CPSF6: variants seen among roughly 807,000 people sequenced by gnomAD.
CPSF6 encodes the protein cleavage and polyadenylation specific factor 6, also known as cleavage and polyadenylation specificity factor subunit 6.
Under a neutral mutation model 56.7 loss-of-function variants are expected in CPSF6, and 10 were observed. The ratio of observed to expected loss-of-function variants is 0.18; its 90% confidence interval spans 0.11 to 0.30. The LOEUF is 0.30. Among genes scored for constraint, CPSF6 ranks in the 10% least tolerant of loss-of-function variants. The pLI, the probability that CPSF6 is intolerant of heterozygous loss-of-function variation, is 1.00. For synonymous variants in CPSF6, 248 were observed against 244.8 expected (o/e 1.01, Z -0.12); for missense variants, 419 against 722.9 (o/e 0.58, Z 4.82).
intron 2 of CPSF6, among the ~76,000 whole-genome samples, chr12:69,252,531 TAA>T (rs1271311605): frequency 1.3e-5 from 2 of 152,180 alleles, no homozygotes; most frequent in Non-Finnish European, 2.9e-5. Context: ...GTGACCTTGT[TAA>T]AGAGTTAAAG....
intron 1 of CPSF6, among the ~76,000 whole-genome samples, chr12:69,241,046 G>A (rs1871591440): frequency 6.6e-6 from 1 of 152,124 alleles, no homozygotes; most frequent in African/African-American, 2.4e-5. Flanking sequence ...TAGTTGCTCA[G>A]GCTTTTTAAA....
chr12:69,260,335 C>A lies in CPSF6; in HGVS notation c.1469+138C>A, dbSNP rs190897211. Reference sequence around the variant, plus strand: ...GCTGGAGTGGTTTTTTTTTTTAACTCTAAATGTTAGTTGCTTGCTTAAAAC... The same window carrying A: ...GCTGGAGTGGTTTTTTTTTTTAACTATAAATGTTAGTTGCTTGCTTAAAAC... On this transcript the variant is annotated intron_variant, in intron 8 of 9. Transcript: ENST00000435070. 34 of 614,370 alleles carry A rather than the reference C, an allele frequency of 5.5e-5. No homozygotes were observed. The African/African-American group carries it at 6.0e-4, about 11-fold the overall frequency. 38.1% of individuals were successfully genotyped at this position (614,370 alleles called of 1,614,324 possible).
In CPSF6 at chr12:69,252,578, G is replaced by T. The variant is rs530122624; in HGVS notation, c.271-473G>T. Among the ~76,000 whole-genome samples, 30 of 152,198 alleles carry T rather than the reference G, an allele frequency of 2.0e-4. No homozygotes were observed. In the South Asian group the frequency reaches 6.0e-3, roughly 30 times the overall value. On this transcript the variant is annotated intron_variant, in intron 2 of 9. Coordinates refer to ENST00000435070, the MANE Select transcript of CPSF6 (RefSeq NM_007007.3). The stretch of plus-strand genomic sequence containing the variant: ...TTCTATTGTATCATGTGTAAAATGG[G>T]TATAATAATAGTGCTTATATGGTTG...
rs1187763504 is a variant in CPSF6, at chr12:69,271,909, T to G, written c.*2401T>G. The G allele has an allele frequency of 6.6e-6, 1 of 151,690 alleles. No individual in the cohort carries two copies. Among genetic ancestry groups the G allele is most frequent in the Non-Finnish European group, 1.5e-5 (1 of 67,656 alleles). The allele number at this position is 151,690 out of a possible 1,614,324, so 9.4% of individuals were successfully genotyped here. Reference sequence around the variant, plus strand: ...CACCAAAAACAGTGTCTCAGAGACCTTTTCATTTTTTCCTTAGTTAATAAC... The same window carrying G: ...CACCAAAAACAGTGTCTCAGAGACCGTTTCATTTTTTCCTTAGTTAATAAC... On this transcript the variant is annotated 3_prime_UTR_variant, in exon 10 of 10. Coordinates refer to ENST00000435070, the MANE Select transcript of CPSF6 (RefSeq NM_007007.3).
chr12:69,265,407 A>C (rs1274482169), intron 9 of CPSF6, among the ~76,000 whole-genome samples: 2 of 152,172 alleles, frequency 1.3e-5, no homozygotes, highest in Non-Finnish European at 2.9e-5. Flanking sequence ...ATCCCTACTC[A>C]GCAAATTTGT....
chr12:69,259,405 A>C lies in CPSF6; in HGVS notation c.1200-23A>C, dbSNP rs763790333. On this transcript the variant is annotated intron_variant, in intron 6 of 9. Coordinates refer to ENST00000435070, the MANE Select transcript of CPSF6 (RefSeq NM_007007.3). ...GAGGAAATCTGTTGAGTATGAGTTA[A>C]GGTTTATGTTTTTGTTTTACAGGGA... 27 of 1,605,214 alleles carry C rather than the reference A, an allele frequency of 1.7e-5. No homozygotes were observed. In the South Asian group the frequency reaches 2.9e-4, roughly 17 times the overall value.
chr12:69,260,182 A>G lies in CPSF6; in HGVS notation c.1454A>G (p.Tyr485Cys). The change falls in exon 8 of 10, where the codon TAT becomes TGT. Residue 485 changes from tyrosine to cysteine, a missense_variant. This residue lies in a region of CPSF6 where 81 missense variants were observed against 193.6 expected (regional missense o/e 0.42). Transcript: ENST00000435070. ...CTTCATGGAATTGAGTCCAAGTCTT[A>G]TGGTTCTGGATCAAGGTAAAACTTT... ...DCLHGIESKS[Y>C]GSGSRRERSR... 6.2e-7 allele frequency: 1 copy of G among 1,600,348 alleles called. No homozygotes were observed. Among genetic ancestry groups the G allele is most frequent in the South Asian group, 1.1e-5 (1 of 87,946 alleles).
intron 9 of CPSF6, among the ~76,000 whole-genome samples, chr12:69,266,387 T>A (rs1320839525): frequency 1.3e-5 from 2 of 152,328 alleles, no homozygotes; most frequent in East Asian, 1.9e-4. Flanking sequence ...TAGGAAGTGA[T>A]CCCTTGAATG....
chr12:69,261,355 C>T (rs1290948697), intron 8 of CPSF6, among the ~76,000 whole-genome samples: 1 of 152,010 alleles, frequency 6.6e-6, no homozygotes, highest in Non-Finnish European at 1.5e-5. Context: ...TCACGTGAGC[C>T]CCAGGAGTTT....
intron 9 of CPSF6, among the ~76,000 whole-genome samples, chr12:69,269,177 T>G (rs1592814443): frequency 1.3e-5 from 2 of 152,012 alleles, no homozygotes; most frequent in South Asian, 2.1e-4. Flanking sequence ...TTCCATTTAT[T>G]TTTGTAGTAT....
intron 9 of CPSF6, among the ~76,000 whole-genome samples, chr12:69,266,378 A>G (rs370907534): frequency 2.0e-5 from 3 of 152,216 alleles, no homozygotes; most frequent in South Asian, 2.1e-4. Context: ...AAGAGGGAGT[A>G]GGAAGTGATC....
At position 69,273,296 on chromosome 12, in the gene CPSF6, G is replaced by T; in HGVS notation, c.*3788G>T. The T allele has an allele frequency of 2.9e-6, 1 of 345,546 alleles. No individual in the cohort carries two copies. Among genetic ancestry groups the T allele is most frequent in the Non-Finnish European group, 5.9e-6 (1 of 168,690 alleles). The allele number at this position is 345,546 out of a possible 1,614,324, so 21.4% of individuals were successfully genotyped here. A position where few individuals can be genotyped will look rare whatever the true frequency, so the allele number is the denominator to read the frequency against. On this transcript the variant is annotated 3_prime_UTR_variant, in exon 10 of 10. Coordinates refer to ENST00000435070, the MANE Select transcript of CPSF6 (RefSeq NM_007007.3). ...TGTTCTTTTTTTAGAATTTCAGGTT[G>T]TGGCATTCACTGAGTATGCAGCTAC... is the stretch of plus-strand genomic sequence containing the variant.
At chr12:69,241,311 G>T (rs560378978) in intron 1 of CPSF6, among the ~76,000 whole-genome samples, 1 of 152,108 alleles carries the variant, frequency 6.6e-6, no homozygotes, top group Admixed American at 6.5e-5. Context: ...TACATTCCTC[G>T]AGTGCAACAC....
intron 2 of CPSF6, chr12:69,252,257 C>T (rs57343719): frequency 3.8e-6 from 1 of 264,538 alleles, no homozygotes; most frequent in African/African-American, 3.7e-5. Context: ...ACAAAACAAA[C>T]ACTTTTGTAG....
At position 69,251,158 on chromosome 12, in the gene CPSF6, A is replaced by G. The variant is rs1872224091; in HGVS notation, c.90A>G (p.Ile30Met). 1 of 1,612,360 alleles carries G rather than the reference A, an allele frequency of 6.2e-7. No individual in the cohort carries two copies. The change falls in exon 2 of 10, where the codon ATA (isoleucine) becomes ATG (methionine). Residue 30 changes from isoleucine to methionine, a missense_variant. Physicochemically the swap from Ile to Met is conservative, Grantham distance 10. Transcript: ENST00000435070. ...CTGAATATGGTGGGCATGATCAGAT[A>G]GATTTGTATGACGATGTCATATCTC... Reference protein sequence around the residue: ...QEAEYGGHDQIDLYDDVISPS... With the variant: ...QEAEYGGHDQMDLYDDVISPS...
At chr12:69,241,746 A>G (rs1047738965) in intron 1 of CPSF6, among the ~76,000 whole-genome samples, 6 of 152,208 alleles carry the variant, frequency 3.9e-5, no homozygotes, top group Admixed American at 3.9e-4. Flanking sequence ...TACCTACTGC[A>G]TTACGTCTAA....
intron 1 of CPSF6, among the ~76,000 whole-genome samples, chr12:69,244,404 A>G (rs1871782368): frequency 6.6e-6 from 1 of 151,978 alleles, no homozygotes; most frequent in Admixed American, 6.6e-5. Context: ...TTGTATTTTT[A>G]GTAAGAGACG....
rs765665052 is a variant in CPSF6, at chr12:69,243,057, A to G, written c.60+3351A>G. Among the ~76,000 whole-genome samples, 47 of 152,126 alleles carry G rather than the reference A, an allele frequency of 3.1e-4. 1 individual carries two copies. The highest frequency in any genetic ancestry group is 1.2e-4 in the Non-Finnish European group (8 of 68,012). ...GGGAGGCAGAGGTTGCAGTGAGCCA[A>G]GATCGGGCCACTGCACTCCAGCAAG... On this transcript the variant is annotated intron_variant, in intron 1 of 9. Coordinates refer to ENST00000435070, the MANE Select transcript of CPSF6 (RefSeq NM_007007.3).
chr12:69,262,574 T>C lies in CPSF6; in HGVS notation c.*3+12T>C, dbSNP rs1247848372. 2.5e-6 allele frequency: 4 copies of C among 1,598,814 alleles called. No homozygotes were observed. Among genetic ancestry groups the C allele is most frequent in the Non-Finnish European group, 3.4e-6 (4 of 1,171,730 alleles). On this transcript the variant is annotated intron_variant, in intron 9 of 9. Transcript: ENST00000435070. ...GTCATCGTTAGAAGGTGGGTATTCC[T>C]TGTTCCCTGTTAAATGTGTGTGTAT...
Sources: gnomAD v4.1 joint callset for allele counts (sites outside exome capture counted in the v4.1 genomes callset) on GRCh38, gnomAD v4.1.1 for gene constraint, gnomAD v4.1.1 regional missense constraint, MANE v1.5 for transcripts, NCBI Gene and HGNC (gene_info 2026-07-23, HGNC 2026-07-21) for gene names.